Variants in VPS13A observed in about 807,000 individuals in gnomAD.
VPS13A encodes the protein intermembrane lipid transfer protein VPS13A.
Under a neutral mutation model 390.9 loss-of-function variants are expected in VPS13A, and 264 were observed. The observed-to-expected ratio is 0.68, with a 90% CI of 0.61 to 0.75. The LOEUF (loss-of-function observed/expected upper bound fraction) is 0.75. VPS13A is among the 30% of genes least tolerant of loss of function. The pLI, the probability that VPS13A is intolerant of heterozygous loss-of-function variation, is 0.00. For synonymous variants in VPS13A, 1,231 were observed against 1,227.1 expected (o/e 1.00, Z -0.07); for missense variants, 3,409 against 3,733.9 (o/e 0.91, Z 2.27).
intron 63 of VPS13A, among the ~76,000 whole-genome samples, chr9:77,369,779 T>G (rs954494810): frequency 6.6e-6 from 1 of 152,236 alleles, no homozygotes; most frequent in Non-Finnish European, 1.5e-5. Flanking sequence ...AAAATTATGA[T>G]TGTTCTATGT....
At chr9:77,386,164 T>A (rs1418709783) in intron 68 of VPS13A, among the ~76,000 whole-genome samples, 1 of 152,240 alleles carries the variant, frequency 6.6e-6, no homozygotes, top group Admixed American at 6.5e-5. Context: ...GTCATTGCTT[T>A]ATTGGAAACC....
Position 77,221,263 on chromosome 9 carries a change from A to G in VPS13A, c.1068A>G (p.Arg356=), listed in dbSNP as rs1359453994. The G allele has an allele frequency of 6.2e-7, 1 of 1,613,598 alleles. No individual in the cohort carries two copies. The highest frequency in any genetic ancestry group is 1.7e-5 in the Admixed American group (1 of 59,990). Residue 356 remains arginine, a synonymous_variant, in exon 13 of 72, where the codon AGA becomes AGG. Transcript: ENST00000360280. ...GGATGTGGTCATGGAAGCATATTAG[A>G]AAACATAGGCAAAAAGTGAAGCAAT... ...RLWMWSWKHI[R]KHRQKVKQYK...
At chr9:77,226,177 A>G (rs1823497476) in intron 14 of VPS13A, among the ~76,000 whole-genome samples, 189 bp downstream of exon 14, 1 of 152,124 alleles carries the variant, frequency 6.6e-6, no homozygotes, top group Non-Finnish European at 1.5e-5. Flanking sequence ...TTTCTATGGG[A>G]AAAAATCTTT....
rs996878380 is a variant in VPS13A, at chr9:77,364,076, TCA to T, written c.8212-1383_8212-1382del. Among the ~76,000 whole-genome samples, 102 of 152,204 alleles carry T rather than the reference TCA, an allele frequency of 6.7e-4. 3 individuals carry two copies. Among genetic ancestry groups the T allele is most frequent in the Admixed American group, 6.5e-3 (100 of 15,294 alleles). ...AAGAGTGATCAGAACTCTAGTATTC[TCA>T]GTGGTACTGTACCCAAGGCAGAGCT... On this transcript the variant is annotated intron_variant, in intron 59 of 71. Transcript: ENST00000360280.
chr9:77,362,047 A>G (rs1198310584), intron 59 of VPS13A, among the ~76,000 whole-genome samples: 2 of 152,108 alleles, frequency 1.3e-5, no homozygotes, highest in Non-Finnish European at 2.9e-5. Flanking sequence ...AGTTATTTGC[A>G]TATTCTCGAT....
At chr9:77,266,704 G>A (rs1826056411) in intron 23 of VPS13A, among the ~76,000 whole-genome samples, 1 of 152,002 alleles carries the variant, frequency 6.6e-6, no homozygotes, top group African/African-American at 2.4e-5. Flanking sequence ...TTGAATGTTG[G>A]CCTATCTTGC....
intron 51 of VPS13A, among the ~76,000 whole-genome samples, chr9:77,344,561 TC>T (rs1831039331): frequency 6.6e-6 from 1 of 151,994 alleles, no homozygotes; most frequent in African/African-American, 2.4e-5. Context: ...ATTGAGACCA[TC>T]CTGGCTAACA....
At chr9:77,323,320 A>C in intron 45 of VPS13A, 93 bp downstream of exon 45, 2 of 1,451,074 alleles carry the variant, frequency 1.4e-6, no homozygotes, top group African/African-American at 2.8e-5. Context: ...TACTGAAAGA[A>C]TATAAACCGT....
Position 77,273,229 on chromosome 9 carries a change from C to T in VPS13A, c.2428-51C>T, listed in dbSNP as rs17063465. 12,381 of 1,366,016 alleles carry T rather than the reference C, an allele frequency of 9.1e-3. 516 individuals carry two copies. The East Asian group carries it at 0.12, about 14-fold the overall frequency. 84.6% of individuals were successfully genotyped at this position (1,366,016 alleles called of 1,614,324 possible). A position where few individuals can be genotyped will look rare whatever the true frequency, so the allele number is the denominator to read the frequency against. On this transcript the variant is annotated intron_variant, in intron 23 of 71. Coordinates refer to ENST00000360280, the MANE Select transcript of VPS13A (RefSeq NM_033305.3). ...TTTGAATAAACATTTTTTGAATAAG[C>T]GGTGAATAAACATTTTTGTGCTAAT... is the stretch of plus-strand genomic sequence containing the variant.
chr9:77,325,706 A>G (rs1178192691), intron 45 of VPS13A, among the ~76,000 whole-genome samples: 1 of 151,732 alleles, frequency 6.6e-6, no homozygotes, highest in African/African-American at 2.4e-5. Flanking sequence ...TACATATTGT[A>G]TTAGTCTACC....
In VPS13A at chr9:77,368,039, T is replaced by G. The variant is rs1832532159; in HGVS notation, c.8472-16T>G. 1.9e-6 allele frequency: 3 copies of G among 1,604,660 alleles called. No individual in the cohort carries two copies. Among genetic ancestry groups the G allele is most frequent in the Non-Finnish European group, 1.7e-6 (2 of 1,174,694 alleles). ...CATACACATGTACAGACAATATATTTTTACGCTTTTTTCAGGCTTGCATTT... is the reference window on the plus strand; with the variant it reads ...CATACACATGTACAGACAATATATTGTTACGCTTTTTTCAGGCTTGCATTT... On this transcript the variant is annotated splice_polypyrimidine_tract_variant and intron_variant, in intron 61 of 71. Coordinates refer to ENST00000360280, the MANE Select transcript of VPS13A (RefSeq NM_033305.3).
intron 57 of VPS13A, 90 bp downstream of exon 57, chr9:77,358,528 G>C (rs775061247): frequency 8.7e-7 from 1 of 1,151,516 alleles, no homozygotes. Flanking sequence ...AACCATTCTT[G>C]GGTTTAATTT....
chr9:77,341,946 C>T (rs73449927), intron 50 of VPS13A, among the ~76,000 whole-genome samples: 381 of 151,546 alleles, frequency 2.5e-3, no homozygotes, highest in African/African-American at 8.7e-3. Flanking sequence ...TTAATAATAC[C>T]GTAATCAATT....
intron 68 of VPS13A, chr9:77,389,580 C>T (rs957630159): frequency 2.6e-5 from 4 of 152,232 alleles, no homozygotes; most frequent in African/African-American, 9.7e-5. Context: ...GTTGGGATTT[C>T]AGACGTGATC....
intron 22 of VPS13A, among the ~76,000 whole-genome samples, chr9:77,258,244 A>G (rs1176583227): frequency 6.6e-6 from 1 of 152,180 alleles, no homozygotes; most frequent in Non-Finnish European, 1.5e-5. Flanking sequence ...CTCATCTAAC[A>G]TCTACCAAAC....
chr9:77,270,064 C>T (rs897331340), intron 23 of VPS13A, among the ~76,000 whole-genome samples: 2 of 152,124 alleles, frequency 1.3e-5, no homozygotes, highest in African/African-American at 4.8e-5. Flanking sequence ...TAAAGTCACC[C>T]AGTCTATGCT....
intron 70 of VPS13A, 107 bp downstream of exon 70, chr9:77,406,094 GT>G: frequency 6.8e-7 from 1 of 1,461,356 alleles, no homozygotes. Flanking sequence ...ATGTCACTTT[GT>G]CCTGGTGTGG....
In VPS13A at chr9:77,212,117, G is replaced by A. The variant is rs866393546; in HGVS notation, c.556-852G>A. On this transcript the variant is annotated intron_variant, in intron 7 of 71. Transcript: ENST00000360280. ...ACTATTCTAATTATCCATTCAGTTC[G>A]TCTCCACATAGAAACGAAAACCATC... 2.6e-5 allele frequency among the ~76,000 whole-genome samples: 4 copies of A among 152,046 alleles called. No homozygotes were observed. The South Asian group carries it at 6.2e-4, about 24-fold the overall frequency.
chr9:77,223,215 G>A (rs1039917562), intron 13 of VPS13A, among the ~76,000 whole-genome samples: 1 of 152,046 alleles, frequency 6.6e-6, no homozygotes, highest in African/African-American at 2.4e-5. Flanking sequence ...TGACTGTTCT[G>A]CTGACTGGCT....
Sources: allele counts gnomAD v4.1 joint callset (sites outside exome capture counted in the v4.1 genomes callset), GRCh38; gene constraint gnomAD v4.1.1; transcripts MANE v1.5; gene names NCBI Gene and HGNC (gene_info 2026-07-23, HGNC 2026-07-21).